C10orf71: variants seen among roughly 807,000 people sequenced by gnomAD.
C10orf71 encodes the protein cardiac-enriched FHL2-interacting protein.
For missense variants in C10orf71, 1,869 were observed against 1,804.5 expected, an observed-to-expected ratio of 1.04 and a Z score of -0.65; for synonymous variants, 758 against 726.3, an observed-to-expected ratio of 1.04 and a Z score of -0.70.
intron 1 of C10orf71, among the ~76,000 whole-genome samples, chr10:49,303,318 T>G (rs575705324): frequency 3.8e-4 from 58 of 151,864 alleles, no homozygotes; most frequent in African/African-American, 1.4e-3. Context: ...CAAGCCTGAG[T>G]GGGAAAATGA....
chr10:49,302,439 C>T (rs1848744580), intron 1 of C10orf71, among the ~76,000 whole-genome samples: 1 of 152,200 alleles, frequency 6.6e-6, no homozygotes, highest in Non-Finnish European at 1.5e-5. Context: ...TTCTTGCCCT[C>T]AGTTTGCCCA....
chr10:49,313,415 T>A (rs1025654690), intron 1 of C10orf71, among the ~76,000 whole-genome samples: 3 of 152,114 alleles, frequency 2.0e-5, no homozygotes, highest in African/African-American at 7.2e-5. Flanking sequence ...GCAAGGTGTG[T>A]TTGGAAAGAG....
In C10orf71 at chr10:49,327,242, C is replaced by T. The variant is rs1358734365; in HGVS notation, c.*389C>T. 1 of 365,710 alleles carries T rather than the reference C, an allele frequency of 2.7e-6. No homozygotes were observed. The allele number at this position is 365,710 out of a possible 1,614,324, so 22.7% of individuals were successfully genotyped here. ...CCTGGTCCCAAGTGTCCCTCTGTAC[C>T]CACACCCACCCACTCACTTGTAAGC... On this transcript the variant is annotated 3_prime_UTR_variant, in exon 3 of 3. Transcript: ENST00000374144.
Position 49,326,311 on chromosome 10 carries a change from A to G in C10orf71, c.3766A>G (p.Arg1256Gly). Residue 1256 changes from arginine to glycine, a missense_variant, in exon 3 of 3, where the codon AGG (arginine) becomes GGG (glycine). Coordinates refer to ENST00000374144, the MANE Select transcript of C10orf71 (RefSeq NM_001135196.2). The stretch of plus-strand genomic sequence containing the variant: ...GTCCGGCTTCTCGGAGCCTGTCGGG[A>G]GGCGGCCCGGGGGCCCCCAGTCCCT... ...SVSGFSEPVG[R>G]RPGGPQSLTP... 1.3e-6 allele frequency: 2 copies of G among 1,549,500 alleles called. No individual in the cohort carries two copies. Among genetic ancestry groups the G allele is most frequent in the Non-Finnish European group, 1.7e-6 (2 of 1,146,406 alleles).
Position 49,325,722 on chromosome 10 carries a change from C to T in C10orf71, c.3177C>T (p.Pro1059=). 4.5e-6 allele frequency: 7 copies of T among 1,551,598 alleles called. No homozygotes were observed. Among genetic ancestry groups the T allele is most frequent in the South Asian group, 2.4e-5 (2 of 84,058 alleles). ...GTGAGAGGGCGAATTCCCCCAACCC[C>T]GGCTCCCCCGGGGAGAGCAGTGCCT... ...VPSERANSPN[P]GSPGESSACS... is the part of the protein sequence containing the mutation. The change falls in exon 3 of 3, where the codon CCC becomes CCT. Residue 1059 remains proline, a synonymous_variant. Transcript: ENST00000374144.
At chr10:49,319,751 G>C (rs1032539700) in intron 2 of C10orf71, among the ~76,000 whole-genome samples, 1 of 57,850 alleles carries the variant, frequency 1.7e-5, no homozygotes, top group Non-Finnish European at 3.2e-5. Flanking sequence ...CATATATGTG[G>C]GTGTATATGT....
Position 49,304,704 on chromosome 10 carries a change from G to A in C10orf71, c.-248+5471G>A, listed in dbSNP as rs538122616. On this transcript the variant is annotated intron_variant, in intron 1 of 2. Transcript: ENST00000374144. ...GCACCCTCCGGGGCTGCTTTCAGGGGGTTCCCCTCCCCTTAGTGCCTGGCT... is the reference window on the plus strand; with the variant it reads ...GCACCCTCCGGGGCTGCTTTCAGGGAGTTCCCCTCCCCTTAGTGCCTGGCT... 2.0e-5 allele frequency among the ~76,000 whole-genome samples: 3 copies of A among 152,332 alleles called. No individual in the cohort carries two copies. The South Asian group carries it at 6.2e-4, about 32-fold the overall frequency.
Position 49,326,369 on chromosome 10 carries a change from AGG to A in C10orf71, c.3825_3826del (p.Lys1275AsnfsTer26). ...CTGCCCGCGTACCCCGCCACCCAGA[AGG>A]TCCTCCAGGATCCGCAGTCCGGGGA... On this transcript the variant is annotated frameshift_variant, in exon 3 of 3. Coordinates refer to ENST00000374144, the MANE Select transcript of C10orf71 (RefSeq NM_001135196.2). LOFTEE classifies it low-confidence loss of function (END_TRUNC). The A allele has an allele frequency of 6.4e-7, 1 of 1,550,464 alleles. No homozygotes were observed. Among genetic ancestry groups the A allele is most frequent in the Non-Finnish European group, 8.7e-7 (1 of 1,146,866 alleles).
intron 1 of C10orf71, among the ~76,000 whole-genome samples, chr10:49,306,989 C>A (rs1453645283): frequency 6.6e-6 from 1 of 152,212 alleles, no homozygotes; most frequent in Admixed American, 6.5e-5. Flanking sequence ...CAGGCTGACC[C>A]TGCTTTCTCC....
At chr10:49,306,921 G>T (rs972928343) in intron 1 of C10orf71, among the ~76,000 whole-genome samples, 1 of 152,200 alleles carries the variant, frequency 6.6e-6, no homozygotes, top group Admixed American at 6.5e-5. Context: ...TGCAGTTTGG[G>T]TTGGGTGCAA....
chr10:49,306,905 T>C (rs967782920), intron 1 of C10orf71, among the ~76,000 whole-genome samples: 1 of 151,902 alleles, frequency 6.6e-6, no homozygotes, highest in African/African-American at 2.4e-5. Context: ...GCAGTGGGGG[T>C]GGCCCTGCAG....
Position 49,327,115 on chromosome 10 carries a change from G to A in C10orf71, c.*262G>A, listed in dbSNP as rs762398170. 124 of 1,253,902 alleles carry A rather than the reference G, an allele frequency of 9.9e-5. 1 individual carries two copies. The highest frequency in any genetic ancestry group is 2.6e-4 in the Admixed American group (11 of 41,548). The allele number at this position is 1,253,902 out of a possible 1,614,324, so 77.7% of individuals were successfully genotyped here. On this transcript the variant is annotated 3_prime_UTR_variant, in exon 3 of 3. Coordinates refer to ENST00000374144, the MANE Select transcript of C10orf71 (RefSeq NM_001135196.2). Reference sequence around the variant, plus strand: ...GTCCCCTCCGTGCCAGTTCCCAGGCGCACTCTACTCCAGCCCTTCTCCCTC... The same window carrying A: ...GTCCCCTCCGTGCCAGTTCCCAGGCACACTCTACTCCAGCCCTTCTCCCTC...
intron 1 of C10orf71, among the ~76,000 whole-genome samples, chr10:49,309,392 T>A (rs1180657214): frequency 2.0e-5 from 3 of 152,254 alleles, no homozygotes; most frequent in African/African-American, 7.2e-5. Flanking sequence ...TGTATGAGAA[T>A]ACAACAAGCA....
chr10:49,309,691 G>C (rs777387779), intron 1 of C10orf71, among the ~76,000 whole-genome samples: 1 of 152,208 alleles, frequency 6.6e-6, no homozygotes, highest in Admixed American at 6.5e-5. Context: ...GGTGGAGGCT[G>C]TGTGTGCTGT....
chr10:49,326,707 C>A lies in C10orf71; in HGVS notation c.4162C>A (p.Pro1388Thr). ...HESGLQLDPGPHGDCTPHSAG... is the reference protein window; with the variant it reads ...HESGLQLDPGTHGDCTPHSAG... Reference sequence around the variant, plus strand: ...GTCTGGACTACAGCTGGACCCAGGGCCTCACGGTGACTGCACCCCGCACTC... The same window carrying A: ...GTCTGGACTACAGCTGGACCCAGGGACTCACGGTGACTGCACCCCGCACTC... The change falls in exon 3 of 3, where the codon CCT becomes ACT. Residue 1388 changes from proline (P) to threonine (T), a missense_variant. Pro to Thr is a conservative substitution (Grantham distance 38, BLOSUM62 -1). Transcript: ENST00000374144. 1.9e-6 allele frequency: 3 copies of A among 1,551,264 alleles called. No individual in the cohort carries two copies. Among genetic ancestry groups the A allele is most frequent in the Non-Finnish European group, 2.6e-6 (3 of 1,146,998 alleles).
At position 49,324,336 on chromosome 10, in the gene C10orf71, C is replaced by T. The variant is rs116202086; in HGVS notation, c.1791C>T (p.Ile597=). 121 of 1,613,836 alleles carry T rather than the reference C, an allele frequency of 7.5e-5. No homozygotes were observed. In the African/African-American group the frequency reaches 1.1e-3, roughly 14 times the overall value. Residue 597 remains isoleucine, a synonymous_variant, in exon 3 of 3, where the codon ATC becomes ATT. Coordinates refer to ENST00000374144, the MANE Select transcript of C10orf71 (RefSeq NM_001135196.2). ...TAACTCTTAGCACAGCTCCGACTATCGCCAAAGCCCCCTTCTATGTCAATG... is the reference window on the plus strand; with the variant it reads ...TAACTCTTAGCACAGCTCCGACTATTGCCAAAGCCCCCTTCTATGTCAATG... ...SYLTLSTAPT[I]AKAPFYVNGE...
chr10:49,306,719 C>T (rs751738282), intron 1 of C10orf71, among the ~76,000 whole-genome samples: 4 of 152,186 alleles, frequency 2.6e-5, no homozygotes, highest in Non-Finnish European at 5.9e-5. Context: ...CACTTACTTG[C>T]AGATGAGAAA....
chr10:49,306,334 C>T (rs914869762), intron 1 of C10orf71, among the ~76,000 whole-genome samples: 2 of 152,252 alleles, frequency 1.3e-5, no homozygotes, highest in Non-Finnish European at 2.9e-5. Flanking sequence ...GGGGCGGGCA[C>T]AGCCGGGCTG....
chr10:49,302,767 G>A (rs1848750882), intron 1 of C10orf71, among the ~76,000 whole-genome samples: 2 of 152,182 alleles, frequency 1.3e-5, no homozygotes, highest in Non-Finnish European at 2.9e-5. Context: ...CTAGAGAGGT[G>A]CACAGGCTTC....
Sources: allele counts gnomAD v4.1 joint callset (sites outside exome capture counted in the v4.1 genomes callset), GRCh38; gene constraint gnomAD v4.1.1; transcripts MANE v1.5; gene names NCBI Gene and HGNC (gene_info 2026-07-23, HGNC 2026-07-21).